CSMD1: variants seen among roughly 807,000 people sequenced by gnomAD.
CSMD1 encodes CUB and Sushi multiple domains 1.
Under a neutral mutation model 417.5 loss-of-function variants are expected in CSMD1, and 213 were observed. The ratio of observed to expected loss-of-function variants is 0.51; its 90% confidence interval spans 0.46 to 0.57. CSMD1 has a LOEUF of 0.57. Ranked by LOEUF, CSMD1 falls within the 20% of genes least tolerant of loss-of-function variation. The pLI is 0.00. For synonymous variants in CSMD1, 2,862 were observed against 1,736.8 expected (o/e 1.65, Z -16.11); for missense variants, 6,923 against 4,529.7 (o/e 1.53, Z -15.17).
intron 2 of CSMD1, among the ~76,000 whole-genome samples, chr8:4,496,348 A>C (rs981704696): frequency 6.6e-6 from 1 of 152,170 alleles, no homozygotes; most frequent in Non-Finnish European, 1.5e-5. Context: ...GACTGCCTCC[A>C]GTGATCAGCA....
chr8:3,960,019 C>T (rs1168061188), intron 5 of CSMD1, among the ~76,000 whole-genome samples: 3 of 152,090 alleles, frequency 2.0e-5, no homozygotes, highest in East Asian at 1.9e-4. Context: ...CTATTTCAAG[C>T]CTTTGCAAGG....
intron 3 of CSMD1, among the ~76,000 whole-genome samples, chr8:4,093,857 G>A (rs144577042): frequency 1.3e-5 from 2 of 152,216 alleles, no homozygotes; most frequent in African/African-American, 2.4e-5. Flanking sequence ...GCAATCGGGA[G>A]GCTGAGGCAG....
At chr8:4,249,478 T>C (rs1259751409) in intron 3 of CSMD1, among the ~76,000 whole-genome samples, 2 of 152,218 alleles carry the variant, frequency 1.3e-5, no homozygotes, top group Non-Finnish European at 2.9e-5. Flanking sequence ...TAAACAGGGT[T>C]AAACATTTTA....
intron 3 of CSMD1, among the ~76,000 whole-genome samples, chr8:4,149,712 A>G (rs565724670): frequency 4.0e-4 from 61 of 152,320 alleles, no homozygotes; most frequent in South Asian, 8.3e-4. Flanking sequence ...CTGAGCTCCA[A>G]CAGAAACATT....
At chr8:3,849,529 G>C (rs960483038) in intron 5 of CSMD1, among the ~76,000 whole-genome samples, 3 of 152,186 alleles carry the variant, frequency 2.0e-5, no homozygotes, top group Non-Finnish European at 2.9e-5. Context: ...CGGTTAGAAT[G>C]ACGACTTCAG....
intron 3 of CSMD1, among the ~76,000 whole-genome samples, chr8:4,255,212 C>A (rs1563343302): frequency 6.6e-6 from 1 of 152,150 alleles, no homozygotes. Context: ...TTTTTATAAG[C>A]AGCGCATGCA....
intron 1 of CSMD1, among the ~76,000 whole-genome samples, chr8:4,653,497 G>A (rs1364611631): frequency 6.6e-6 from 1 of 152,080 alleles, no homozygotes; most frequent in Non-Finnish European, 1.5e-5. Flanking sequence ...AAGACTTACA[G>A]ACACCAGACT....
chr8:4,260,510 G>T (rs977493441), intron 3 of CSMD1, among the ~76,000 whole-genome samples: 1 of 152,136 alleles, frequency 6.6e-6, no homozygotes, highest in East Asian at 1.9e-4. Context: ...CAATGTTAAA[G>T]AACACTAGTC....
intron 1 of CSMD1, among the ~76,000 whole-genome samples, chr8:4,678,050 C>T (rs1157017607): frequency 6.6e-6 from 1 of 152,062 alleles, no homozygotes; most frequent in Middle Eastern, 3.2e-3. Context: ...AGTAACAGCA[C>T]ACATGGACAC....
intron 3 of CSMD1, among the ~76,000 whole-genome samples, chr8:4,072,357 T>G: frequency 6.6e-6 from 1 of 152,200 alleles, no homozygotes; most frequent in East Asian, 1.9e-4. Flanking sequence ...AAATACTAGT[T>G]TTCAATAATA....
intron 2 of CSMD1, among the ~76,000 whole-genome samples, chr8:4,509,946 A>G (rs968597535): frequency 1.3e-5 from 2 of 152,072 alleles, no homozygotes; most frequent in African/African-American, 4.8e-5. Flanking sequence ...TTAAATCACT[A>G]TTTTATGATT....
chr8:3,324,113 C>G lies in CSMD1; in HGVS notation c.3632-15610G>C, dbSNP rs1353743229. Among the ~76,000 whole-genome samples the G allele has an allele frequency of 2.0e-5, 3 of 146,502 alleles. 1 individual carries two copies. ...AGGTGGGGGAGTTTCCTTCACCCCA[C>G]CTTTCATCATGGTTAAAATAGACAC... On this transcript the variant is annotated intron_variant, in intron 23 of 69. Transcript: ENST00000635120.
Position 3,404,960 on chromosome 8 carries a change from A to G in CSMD1, c.2266+1067T>C, listed in dbSNP as rs2116892248. 1.3e-5 allele frequency among the ~76,000 whole-genome samples: 2 copies of G among 152,320 alleles called. 1 individual carries two copies. The highest frequency in any genetic ancestry group is 4.8e-5 in the African/African-American group (2 of 41,566). On this transcript the variant is annotated intron_variant, in intron 15 of 69. Coordinates refer to ENST00000635120, the MANE Select transcript of CSMD1 (RefSeq NM_033225.6). ...GAAAACATTCTTGAAAAAAACCTGT[A>G]TAGTTGCTTATTTCTTTATGATATT... is the stretch of plus-strand genomic sequence containing the variant.
intron 21 of CSMD1, among the ~76,000 whole-genome samples, chr8:3,353,805 G>A (rs1449584053): frequency 6.6e-6 from 1 of 152,120 alleles, no homozygotes; most frequent in African/African-American, 2.4e-5. Context: ...TTATAAAAAA[G>A]CTACTGAAAT....
intron 54 of CSMD1, among the ~76,000 whole-genome samples, chr8:2,988,538 G>A (rs976774594): frequency 2.0e-4 from 31 of 152,094 alleles, no homozygotes; most frequent in African/African-American, 7.5e-4. Flanking sequence ...AAGTTTCCAA[G>A]AAAGCTCCTC....
At chr8:3,370,237 T>C (rs1809863414) in intron 18 of CSMD1, among the ~76,000 whole-genome samples, 1 of 152,206 alleles carries the variant, frequency 6.6e-6, no homozygotes, top group Non-Finnish European at 1.5e-5. Context: ...TTTTATTTCA[T>C]ATCTTAAGAC....
At position 4,450,702 on chromosome 8, in the gene CSMD1, CAG is replaced by C. The variant is rs1287559924; in HGVS notation, c.303-30639_303-30638del. ...ACTGTATCCAATGTATAACACATCA[CAG>C]AGTTTTAATAAATGTCAAACATTTA... On this transcript the variant is annotated intron_variant, in intron 2 of 69. Coordinates refer to ENST00000635120, the MANE Select transcript of CSMD1 (RefSeq NM_033225.6). Among the ~76,000 whole-genome samples, 5 of 152,154 alleles carry C rather than the reference CAG, an allele frequency of 3.3e-5. No individual in the cohort carries two copies. The East Asian group carries it at 7.7e-4, about 24-fold the overall frequency.
intron 10 of CSMD1, among the ~76,000 whole-genome samples, chr8:3,500,166 T>C (rs147115024): frequency 2.0e-5 from 3 of 152,146 alleles, no homozygotes; most frequent in South Asian, 2.1e-4. Flanking sequence ...TGAGTTTCCA[T>C]GCCTTAGAGG....
At chr8:3,451,893 A>C (rs1167996649) in intron 12 of CSMD1, among the ~76,000 whole-genome samples, 1 of 152,166 alleles carries the variant, frequency 6.6e-6, no homozygotes, top group Non-Finnish European at 1.5e-5. Context: ...TTGAATCTAT[A>C]AATTACCTTG....
Sources: gnomAD v4.1 joint callset for allele counts (sites outside exome capture counted in the v4.1 genomes callset) on GRCh38, gnomAD v4.1.1 for gene constraint, MANE v1.5 for transcripts, NCBI Gene and HGNC (gene_info 2026-07-23, HGNC 2026-07-21) for gene names.